Variants in HMGCLL1 observed in about 807,000 individuals in gnomAD.
HMGCLL1 encodes the protein 3-hydroxymethyl-3-methylglutaryl-CoA lyase, cytoplasmic.
A neutral mutation model predicts 39.1 loss-of-function variants in HMGCLL1; 36 were observed. The ratio of observed to expected loss-of-function variants is 0.92; its 90% CI spans 0.71 to 1.22. HMGCLL1 has a LOEUF of 1.22. Ranked by LOEUF, HMGCLL1 falls within the 50% of genes most tolerant of loss-of-function variation. The pLI, the probability that HMGCLL1 is intolerant of heterozygous loss-of-function variation, is 0.00. For missense variants in HMGCLL1, 451 were observed against 416.5 expected, an observed-to-expected ratio of 1.08 and a Z score of -0.72; for synonymous variants, 149 against 144.0, an observed-to-expected ratio of 1.03 and a Z score of -0.25.
chr6:55,526,964 A>G (rs564951739), intron 3 of HMGCLL1, among the ~76,000 whole-genome samples: 5 of 152,188 alleles, frequency 3.3e-5, no homozygotes, highest in African/African-American at 1.2e-4. Context: ...ACATCAACAG[A>G]ACTAGATAGT....
chr6:55,447,658 G>T (rs1763913187), intron 7 of HMGCLL1, among the ~76,000 whole-genome samples: 1 of 151,946 alleles, frequency 6.6e-6, no homozygotes, highest in South Asian at 2.1e-4. Flanking sequence ...GCAAACATTT[G>T]CTGAATTGCT....
intron 7 of HMGCLL1, among the ~76,000 whole-genome samples, chr6:55,481,220 A>C (rs1178663966): frequency 6.6e-6 from 1 of 151,918 alleles, no homozygotes; most frequent in Non-Finnish European, 1.5e-5. Flanking sequence ...TCTCTAAAAA[A>C]ATACAAAAAT....
At chr6:55,492,165 C>T (rs1362406411) in intron 7 of HMGCLL1, among the ~76,000 whole-genome samples, 1 of 152,158 alleles carries the variant, frequency 6.6e-6, no homozygotes, top group African/African-American at 2.4e-5. Context: ...ATCTAGTCCA[C>T]ATCCACCACC....
At chr6:55,584,995 A>G in the HMGCLL1 span, among the ~76,000 whole-genome samples, 1 of 152,012 alleles carries the variant, frequency 6.6e-6, no homozygotes, top group African/African-American at 2.4e-5. Context: ...TTTATTGCTG[A>G]AAATTTTAGA....
intron 1 of HMGCLL1, among the ~76,000 whole-genome samples, chr6:55,542,844 T>C (rs1367851794): frequency 4.3e-5 from 6 of 139,570 alleles, no homozygotes; most frequent in East Asian, 2.0e-4. Flanking sequence ...ATGTATTATA[T>C]ATAAATATAT....
chr6:55,577,586 A>G (rs992610491), intron 1 of HMGCLL1, among the ~76,000 whole-genome samples: 1 of 152,196 alleles, frequency 6.6e-6, no homozygotes, highest in Non-Finnish European at 1.5e-5. Context: ...ACCTGCAACC[A>G]ATCTTCTATC....
chr6:55,445,662 G>A (rs1174159297), intron 7 of HMGCLL1, among the ~76,000 whole-genome samples: 1 of 152,004 alleles, frequency 6.6e-6, no homozygotes, highest in Admixed American at 6.6e-5. Flanking sequence ...GCATGCATGT[G>A]TGTGTGTGTG....
intron 6 of HMGCLL1, among the ~76,000 whole-genome samples, chr6:55,497,632 A>G (rs1766648347): frequency 6.6e-6 from 1 of 152,144 alleles, no homozygotes; most frequent in African/African-American, 2.4e-5. Context: ...ACAAAGAAAC[A>G]GGATTCTAAG....
chr6:55,453,779 G>C (rs1345188115), intron 7 of HMGCLL1, among the ~76,000 whole-genome samples: 1 of 152,182 alleles, frequency 6.6e-6, no homozygotes, highest in East Asian at 1.9e-4. Context: ...AAAGATTGTT[G>C]TTAAGGAATA....
intron 6 of HMGCLL1, among the ~76,000 whole-genome samples, chr6:55,496,642 A>G (rs147536638): frequency 6.6e-6 from 1 of 152,264 alleles, no homozygotes; most frequent in Non-Finnish European, 1.5e-5. Context: ...TAAACCTTAA[A>G]TAACACCAAT....
chr6:55,465,573 A>G (rs1290020518), intron 7 of HMGCLL1, among the ~76,000 whole-genome samples: 2 of 152,098 alleles, frequency 1.3e-5, no homozygotes, highest in Non-Finnish European at 2.9e-5. Context: ...ATCATTAAAT[A>G]TGATATTCAT....
chr6:55,653,650 C>A, the HMGCLL1 span, among the ~76,000 whole-genome samples: 2 of 151,896 alleles, frequency 1.3e-5, no homozygotes, highest in African/African-American at 2.4e-5. Context: ...TAAGAAGGTA[C>A]CTTGCTTCCC....
Position 55,439,480 on chromosome 6 carries a change from G to T in HMGCLL1, c.875C>A (p.Ala292Asp). 2 of 1,612,752 alleles carry T rather than the reference G, an allele frequency of 1.2e-6. No individual in the cohort carries two copies. Among genetic ancestry groups the T allele is most frequent in the South Asian group, 2.2e-5 (2 of 91,034 alleles). Residue 292 changes from alanine to aspartate, a missense_variant, in exon 8 of 9, where the codon GCC becomes GAC. Physicochemically the swap from Ala to Asp is moderately radical, Grantham distance 126. Coordinates refer to ENST00000274901, the MANE Select transcript of HMGCLL1 (RefSeq NM_001042406.2). ...PYAKGASGNV[A>D]TEDLIYMLNG... ...AAGCATATATATCAAATCCTCAGTG[G>T]CTACATTCCCAGAAGCACCTTTTGC...
chr6:55,454,153 T>C (rs915667493), intron 7 of HMGCLL1, among the ~76,000 whole-genome samples: 3 of 152,210 alleles, frequency 2.0e-5, no homozygotes, highest in South Asian at 2.1e-4. Flanking sequence ...AACATTCTTG[T>C]AACTCAAATA....
the HMGCLL1 span, among the ~76,000 whole-genome samples, chr6:55,666,161 G>C: frequency 2.6e-5 from 4 of 151,636 alleles, no homozygotes; most frequent in African/African-American, 9.7e-5. Flanking sequence ...ATCAAGCGTG[G>C]ACAAGAAAGT....
Position 55,435,745 on chromosome 6 carries a change from C to CT in HMGCLL1, c.939dup (p.Val314SerfsTer6), listed in dbSNP as rs751653044. 3.1e-6 allele frequency: 5 copies of CT among 1,597,626 alleles called. No individual in the cohort carries two copies. In the Admixed American group the frequency reaches 8.5e-5, roughly 27 times the overall value. On this transcript the variant is annotated frameshift_variant, in exon 9 of 9. Coordinates refer to ENST00000274901, the MANE Select transcript of HMGCLL1 (RefSeq NM_001042406.2). LOFTEE classifies it high-confidence loss of function. ...CAAATAAAGTCACCAGCTTCCATCA[C>CT]TTTGTATAGATTCACACCCTGGTGA...
chr6:55,469,201 A>C (rs892559644), intron 7 of HMGCLL1, among the ~76,000 whole-genome samples: 1 of 151,116 alleles, frequency 6.6e-6, no homozygotes, highest in Middle Eastern at 3.4e-3. Context: ...AAAACCTACA[A>C]GATAGAGACA....
chr6:55,442,918 G>T (rs1763666875), intron 7 of HMGCLL1, among the ~76,000 whole-genome samples: 1 of 152,272 alleles, frequency 6.6e-6, no homozygotes, highest in East Asian at 1.9e-4. Context: ...ATATAAACAG[G>T]CAGGGGCATT....
rs544270414 is a variant in HMGCLL1 at position 55,537,806 on chromosome 6, T to C, written c.297+3923A>G. On this transcript the variant is annotated intron_variant, in intron 3 of 8. Coordinates refer to ENST00000274901, the MANE Select transcript of HMGCLL1 (RefSeq NM_001042406.2). ...TCACCACAGCTGTCCTCAAAAGCTATGTGGGGGAATTCAGGCACTTATTCG... is the reference window on the plus strand; with the variant it reads ...TCACCACAGCTGTCCTCAAAAGCTACGTGGGGGAATTCAGGCACTTATTCG... Among the ~76,000 whole-genome samples the C allele has an allele frequency of 9.9e-5, 15 of 152,276 alleles. 1 individual carries two copies. The South Asian group carries it at 3.1e-3, about 32-fold the overall frequency.
Sources: allele counts gnomAD v4.1 joint callset (sites outside exome capture counted in the v4.1 genomes callset), GRCh38; gene constraint gnomAD v4.1.1; transcripts MANE v1.5; gene names NCBI Gene and HGNC (gene_info 2026-07-23, HGNC 2026-07-21).